The following ACSS3 variants were observed in gnomAD, a reference collection of about 807,000 sequenced individuals.
The protein encoded by ACSS3 is acyl-CoA synthetase short chain family member 3, also known as acyl-CoA synthetase short-chain family member 3, mitochondrial.
Under a neutral mutation model 84.2 loss-of-function variants are expected in ACSS3, and 64 were observed. That is an observed-to-expected ratio of 0.76 (90% confidence interval 0.62 to 0.94). ACSS3 has a LOEUF of 0.94. Among genes scored for constraint, ACSS3 ranks in the 40% least tolerant of loss-of-function variants. The probability of loss-of-function intolerance (pLI) is 0.00; values close to 1 mark genes in which losing one functional copy is unlikely to be tolerated. For synonymous variants in ACSS3, 317 were observed against 310.1 expected, an observed-to-expected ratio of 1.02 and a Z score of -0.23; for missense variants, 815 against 867.6, an observed-to-expected ratio of 0.94 and a Z score of 0.76.
chr12:81,185,348 A>G (rs1565709972), intron 8 of ACSS3, among the ~76,000 whole-genome samples: 1 of 151,772 alleles, frequency 6.6e-6, no homozygotes, highest in Non-Finnish European at 1.5e-5. Flanking sequence ...ACTAGCAAGA[A>G]CAATCAGACA....
intron 2 of ACSS3, among the ~76,000 whole-genome samples, chr12:81,132,961 T>C (rs1369791068): frequency 1.3e-5 from 2 of 152,142 alleles, no homozygotes; most frequent in Non-Finnish European, 2.9e-5. Context: ...AATTTTTGTC[T>C]TGTTTTTTTG....
chr12:81,219,808 A>C (rs954734751), intron 10 of ACSS3, among the ~76,000 whole-genome samples: 4 of 152,042 alleles, frequency 2.6e-5, no homozygotes, highest in Admixed American at 6.6e-5. Context: ...TCTGAAGGAA[A>C]ATTTCTGATG....
intron 9 of ACSS3, among the ~76,000 whole-genome samples, chr12:81,210,303 C>T (rs1260478605): frequency 1.3e-5 from 2 of 152,038 alleles, no homozygotes; most frequent in Non-Finnish European, 2.9e-5. Flanking sequence ...TAGGGTCTCT[C>T]GTATTCAGGT....
At chr12:81,216,014 A>C (rs1850707940) in intron 9 of ACSS3, among the ~76,000 whole-genome samples, 1 of 152,162 alleles carries the variant, frequency 6.6e-6, no homozygotes, top group Admixed American at 6.5e-5. Flanking sequence ...ACATCCAGGA[A>C]CAGCAGACTG....
chr12:81,119,480 G>A (rs1884374444), intron 2 of ACSS3, among the ~76,000 whole-genome samples: 1 of 152,130 alleles, frequency 6.6e-6, no homozygotes, highest in African/African-American at 2.4e-5. Context: ...TGAGGGTACT[G>A]CAGGAGACCA....
At chr12:81,095,560 G>C (rs991931658) in intron 1 of ACSS3, among the ~76,000 whole-genome samples, 3 of 152,088 alleles carry the variant, frequency 2.0e-5, no homozygotes, top group Admixed American at 6.5e-5. Flanking sequence ...TGAATTTACT[G>C]TCAGGCATGA....
chr12:81,217,726 C>T (rs1385743913), intron 10 of ACSS3, among the ~76,000 whole-genome samples: 1 of 152,020 alleles, frequency 6.6e-6, no homozygotes, highest in African/African-American at 2.4e-5. Context: ...GCCTCTAACC[C>T]CAGCTACTTG....
At chr12:81,191,390 T>G (rs959680372) in intron 8 of ACSS3, among the ~76,000 whole-genome samples, 8 of 152,238 alleles carry the variant, frequency 5.3e-5, no homozygotes, top group East Asian at 1.9e-4. Context: ...AAGATTGATC[T>G]CTAATTTTCC....
intron 11 of ACSS3, among the ~76,000 whole-genome samples, chr12:81,220,589 C>G (rs1313127684): frequency 6.6e-6 from 1 of 151,934 alleles, no homozygotes; most frequent in Non-Finnish European, 1.5e-5. Flanking sequence ...ACCCTTGCCT[C>G]CCTCCCTCAC....
rs543691918 is a variant in ACSS3 at position 81,174,313 on chromosome 12, G to C, written c.1099-475G>C. 5.3e-5 allele frequency among the ~76,000 whole-genome samples: 8 copies of C among 152,162 alleles called. No homozygotes were observed. The South Asian group carries it at 1.7e-3, about 32-fold the overall frequency. On this transcript the variant is annotated intron_variant, in intron 7 of 15. Coordinates refer to ENST00000548058, the MANE Select transcript of ACSS3 (RefSeq NM_024560.4). ...TAATTCATAGGAGTTACTTTTCTTG[G>C]AGTGAGACATTTAACTGAAAAGGTC...
chr12:81,102,515 T>C (rs1251172029), intron 1 of ACSS3, among the ~76,000 whole-genome samples: 2 of 152,072 alleles, frequency 1.3e-5, no homozygotes, highest in Non-Finnish European at 2.9e-5. Flanking sequence ...TAAAACTATG[T>C]TTCACTTTTC....
intron 3 of ACSS3, among the ~76,000 whole-genome samples, chr12:81,137,834 T>C (rs922242738): frequency 6.6e-6 from 1 of 152,196 alleles, no homozygotes; most frequent in Admixed American, 6.5e-5. Flanking sequence ...TATATTCAAA[T>C]GTCTGACCTT....
intron 11 of ACSS3, among the ~76,000 whole-genome samples, chr12:81,226,964 TACACACACACACACAC>T (rs34439721): frequency 6.7e-6 from 1 of 148,918 alleles, no homozygotes; most frequent in Non-Finnish European, 1.5e-5. Context: ...CAATAGGATT[TACACACACACACACAC>T]ACACACACAC....
intron 8 of ACSS3, among the ~76,000 whole-genome samples, chr12:81,177,182 A>T (rs964702942): frequency 1.3e-5 from 2 of 152,210 alleles, no homozygotes; most frequent in African/African-American, 4.8e-5. Flanking sequence ...AGGCTCATCT[A>T]TAACAAATCT....
chr12:81,231,096 G>A lies in ACSS3; in HGVS notation c.1554G>A (p.Lys518=), dbSNP rs768212741. 2.5e-6 allele frequency: 4 copies of A among 1,610,850 alleles called. No homozygotes were observed. Among genetic ancestry groups the A allele is most frequent in the Non-Finnish European group, 3.4e-6 (4 of 1,178,164 alleles). ...CTGGGGCTTTTTCAGGACTCTGGAA[G>A]AATCAGGAAGCATTCAAGCATTTAT... ...LPPGAFSGLW[K]NQEAFKHLYF... The change falls in exon 12 of 16, where the codon AAG becomes AAA. Residue 518 remains lysine (K), a synonymous_variant. Transcript: ENST00000548058.
intron 8 of ACSS3, among the ~76,000 whole-genome samples, chr12:81,185,360 G>C (rs1391869689): frequency 6.6e-6 from 1 of 151,428 alleles, no homozygotes; most frequent in Non-Finnish European, 1.5e-5. Flanking sequence ...AATCAGACAA[G>C]AAAAAGAAAT....
At chr12:81,222,741 C>G (rs2033151282) in intron 11 of ACSS3, among the ~76,000 whole-genome samples, 1 of 151,830 alleles carries the variant, frequency 6.6e-6, no homozygotes, top group African/African-American at 2.4e-5. Flanking sequence ...TCCTGGGGAC[C>G]CCTTGACTAG....
chr12:81,256,040 A>G lies in ACSS3; in HGVS notation c.*1118A>G, dbSNP rs2060504433. The G allele has an allele frequency of 2.0e-5, 3 of 152,204 alleles. No individual in the cohort carries two copies. The highest frequency in any genetic ancestry group is 7.2e-5 in the African/African-American group (3 of 41,468). 9.4% of individuals were successfully genotyped at this position (152,204 alleles called of 1,614,324 possible). On this transcript the variant is annotated 3_prime_UTR_variant, in exon 16 of 16. Transcript: ENST00000548058. Reference sequence around the variant, plus strand: ...TCAAGGTTTTCACATTAGGTTAAAGACAAGAAGGTTTCTAGGCAGGTAGTG... The same window carrying G: ...TCAAGGTTTTCACATTAGGTTAAAGGCAAGAAGGTTTCTAGGCAGGTAGTG...
At chr12:81,251,873 A>G (rs1202010288) in intron 13 of ACSS3, among the ~76,000 whole-genome samples, 1 of 151,700 alleles carries the variant, frequency 6.6e-6, no homozygotes, top group Non-Finnish European at 1.5e-5. Flanking sequence ...AAACATAAAA[A>G]CCCGATATTA....
Sources: allele counts gnomAD v4.1 joint callset (sites outside exome capture counted in the v4.1 genomes callset), GRCh38; gene constraint gnomAD v4.1.1; transcripts MANE v1.5; gene names NCBI Gene and HGNC (gene_info 2026-07-23, HGNC 2026-07-21).